The following HMBOX1 variants were observed in gnomAD, a reference collection of about 807,000 sequenced individuals.
HMBOX1 encodes homeobox containing 1, also known as homeobox-containing protein 1.
A neutral mutation model predicts 54.5 loss-of-function variants in HMBOX1; 14 were observed. The observed-to-expected ratio is 0.26, with a 90% CI of 0.17 to 0.40. The LOEUF is 0.40. Among genes scored for constraint, HMBOX1 ranks in the 10% least tolerant of loss-of-function variants. The pLI, the probability that HMBOX1 is intolerant of heterozygous loss-of-function variation, is 1.00. For missense variants in HMBOX1, 332 were observed against 514.4 expected (o/e 0.65, Z 3.43); for synonymous variants, 160 against 181.0 (o/e 0.88, Z 0.93).
chr8:28,981,616 C>T (rs527916692), intron 4 of HMBOX1, among the ~76,000 whole-genome samples: 3 of 151,546 alleles, frequency 2.0e-5, no homozygotes, highest in South Asian at 2.1e-4. Flanking sequence ...AGCATTGCAA[C>T]GCTGATTTTT....
chr8:28,943,632 T>G (rs927203763), intron 1 of HMBOX1, among the ~76,000 whole-genome samples: 2 of 152,194 alleles, frequency 1.3e-5, no homozygotes, highest in Non-Finnish European at 2.9e-5. Context: ...TATGCCAAAG[T>G]GACGTATTTT....
intron 1 of HMBOX1, among the ~76,000 whole-genome samples, chr8:28,954,724 T>C (rs1406035393): frequency 6.6e-6 from 1 of 152,180 alleles, no homozygotes; most frequent in Non-Finnish European, 1.5e-5. Context: ...ACTGCTAGTG[T>C]TTTACCCTAA....
chr8:28,942,237 C>T (rs1821572877), intron 1 of HMBOX1, among the ~76,000 whole-genome samples: 1 of 152,210 alleles, frequency 6.6e-6, no homozygotes, highest in Non-Finnish European at 1.5e-5. Context: ...CTTCTGCTCA[C>T]CCCTTCACCC....
chr8:28,959,815 TA>T (rs1330315386), intron 1 of HMBOX1, among the ~76,000 whole-genome samples: 2 of 152,196 alleles, frequency 1.3e-5, no homozygotes, highest in African/African-American at 2.4e-5. Flanking sequence ...TAATTACCTT[TA>T]TTTTACTCTA....
At chr8:28,948,990 A>G (rs1003685118) in intron 1 of HMBOX1, among the ~76,000 whole-genome samples, 2 of 152,240 alleles carry the variant, frequency 1.3e-5, no homozygotes, top group African/African-American at 4.8e-5. Flanking sequence ...GAGGTTTCAA[A>G]GCCACATGAA....
chr8:29,008,884 TTC>T (rs1236970947), intron 4 of HMBOX1, among the ~76,000 whole-genome samples, 186 bp from the exon 5 acceptor site: 2 of 152,208 alleles, frequency 1.3e-5, no homozygotes, highest in African/African-American at 4.8e-5. Flanking sequence ...AAGAGATAAT[TTC>T]TGAGTATATC....
intron 1 of HMBOX1, among the ~76,000 whole-genome samples, chr8:28,938,057 C>G (rs1820701902): frequency 6.6e-6 from 1 of 152,140 alleles, no homozygotes; most frequent in South Asian, 2.1e-4. Flanking sequence ...TTCAATTTGT[C>G]ATACTAGAGT....
chr8:28,897,134 C>T (rs181158488), intron 1 of HMBOX1, among the ~76,000 whole-genome samples: 91 of 152,024 alleles, frequency 6.0e-4, no homozygotes, highest in South Asian at 3.7e-3. Flanking sequence ...TATGGGCATG[C>T]GCCACCATGC....
intron 1 of HMBOX1, among the ~76,000 whole-genome samples, chr8:28,942,952 GC>G (rs1307210764): frequency 2.0e-5 from 3 of 152,114 alleles, no homozygotes; most frequent in African/African-American, 4.8e-5. Flanking sequence ...ACTCTGAGGG[GC>G]TTTGTTTGGC....
intron 6 of HMBOX1, among the ~76,000 whole-genome samples, chr8:29,040,580 C>G (rs1237783398): frequency 3.9e-5 from 6 of 152,126 alleles, no homozygotes; most frequent in Non-Finnish European, 7.4e-5. Context: ...TGCTAACAGT[C>G]CTTTGTATAC....
At chr8:28,954,642 G>A (rs1824072552) in intron 1 of HMBOX1, among the ~76,000 whole-genome samples, 1 of 152,124 alleles carries the variant, frequency 6.6e-6, no homozygotes, top group Non-Finnish European at 1.5e-5. Context: ...GTATAAACTG[G>A]TGCCTCTTTG....
rs567995862 is a variant in HMBOX1, at chr8:29,051,651, G to A, written c.*496G>A. On this transcript the variant is annotated 3_prime_UTR_variant, in exon 10 of 10. Coordinates refer to ENST00000287701, the MANE Select transcript of HMBOX1 (RefSeq NM_001135726.3). ...GGAACACTAGAATCCCCACCTCAGCGTGAGGATAATTGATTTCCAGCTGCA... is the reference window on the plus strand; with the variant it reads ...GGAACACTAGAATCCCCACCTCAGCATGAGGATAATTGATTTCCAGCTGCA... 4.7e-4 allele frequency: 328 copies of A among 702,206 alleles called. 1 individual carries two copies. Among genetic ancestry groups the A allele is most frequent in the Non-Finnish European group, 7.8e-4 (301 of 384,430 alleles). The allele number at this position is 702,206 out of a possible 1,614,324, so 43.5% of individuals were successfully genotyped here.
At chr8:28,955,212 C>G (rs1317182137) in intron 1 of HMBOX1, among the ~76,000 whole-genome samples, 2 of 151,892 alleles carry the variant, frequency 1.3e-5, no homozygotes, top group Non-Finnish European at 2.9e-5. Flanking sequence ...AAAGTATAGT[C>G]TCTTTTTTTT....
At chr8:29,015,596 C>A (rs922874613) in intron 5 of HMBOX1, among the ~76,000 whole-genome samples, 3 of 152,186 alleles carry the variant, frequency 2.0e-5, no homozygotes, top group Non-Finnish European at 4.4e-5. Flanking sequence ...CCCCCAAATT[C>A]CTGCTTATGT....
At chr8:28,973,143 A>G (rs1015059741) in intron 3 of HMBOX1, among the ~76,000 whole-genome samples, 54 of 152,162 alleles carry the variant, frequency 3.5e-4, no homozygotes, top group African/African-American at 1.3e-3. Context: ...CAGGTTGTAG[A>G]TAATAACAAT....
At chr8:28,890,390 G>A (rs914064421), upstream of HMBOX1, 4 of 167,952 alleles carry the variant, frequency 2.4e-5, no homozygotes, top group Non-Finnish European at 5.3e-5. Flanking sequence ...GGTGGGAGAG[G>A]GGCTGTTGAT....
At chr8:28,991,509 C>T (rs542218558) in intron 4 of HMBOX1, among the ~76,000 whole-genome samples, 122 of 152,290 alleles carry the variant, frequency 8.0e-4, no homozygotes, top group African/African-American at 2.9e-3. Context: ...CACCATCTTG[C>T]TTTTGAACAT....
intron 3 of HMBOX1, among the ~76,000 whole-genome samples, chr8:28,979,320 A>C (rs1330324316): frequency 6.6e-6 from 1 of 152,212 alleles, no homozygotes; most frequent in Non-Finnish European, 1.5e-5. Flanking sequence ...TGGTCTTTTG[A>C]GAATTTGTTG....
chr8:28,999,861 T>A (rs538765606), intron 4 of HMBOX1, among the ~76,000 whole-genome samples: 2 of 152,322 alleles, frequency 1.3e-5, no homozygotes, highest in Admixed American at 1.3e-4. Context: ...TAAATCTTTG[T>A]CTACTAAGTT....
Sources: allele counts gnomAD v4.1 joint callset (sites outside exome capture counted in the v4.1 genomes callset), GRCh38; gene constraint gnomAD v4.1.1; transcripts MANE v1.5; gene names NCBI Gene and HGNC (gene_info 2026-07-23, HGNC 2026-07-21).